Variants in PBXIP1 observed in about 807,000 individuals in gnomAD.
PBXIP1 encodes pre-B-cell leukemia transcription factor-interacting protein 1.
Under a neutral mutation model 73.7 loss-of-function variants are expected in PBXIP1, and 73 were observed. The observed-to-expected ratio is 0.99, with a 90% confidence interval of 0.82 to 1.20. PBXIP1 has a LOEUF of 1.20. PBXIP1 is among the 50% of genes most tolerant of loss of function. The pLI is 0.00. For synonymous variants in PBXIP1, 330 were observed against 366.9 expected (o/e 0.90, Z 1.15); for missense variants, 818 against 911.4 (o/e 0.90, Z 1.32).
At chr1:154,953,978 G>A (rs565376874) in intron 1 of PBXIP1, among the ~76,000 whole-genome samples, 4 of 152,118 alleles carry the variant, frequency 2.6e-5, no homozygotes, top group Non-Finnish European at 5.9e-5. Context: ...CCTCTTCCAG[G>A]GACCAACAGG....
At position 154,946,064 on chromosome 1, in the gene PBXIP1, C is replaced by A; in HGVS notation, c.1610G>T (p.Gly537Val). ...SGSKKEGKRQ[G>V]PKEPPRKSGS... ...ACTTTTCCTTGGGGGTTCCTTCGGG[C>A]CCTGTCGCTTGCCCTCCTTCTTGCT... The change falls in exon 10 of 11, where the codon GGC becomes GTC. Residue 537 changes from glycine to valine, a missense_variant. Physicochemically the swap from Gly to Val is moderately radical, Grantham distance 109 (BLOSUM62 -3). Coordinates refer to ENST00000368463, the MANE Select transcript of PBXIP1 (RefSeq NM_020524.4). 1 of 1,614,184 alleles carries A rather than the reference C, an allele frequency of 6.2e-7. No homozygotes were observed.
In PBXIP1 at chr1:154,955,136, G is replaced by A. The variant is rs557630548; in HGVS notation, c.-37+933C>T. Among the ~76,000 whole-genome samples the A allele has an allele frequency of 3.9e-5, 6 of 152,234 alleles. No homozygotes were observed. The South Asian group carries it at 1.0e-3, about 26-fold the overall frequency. On this transcript the variant is annotated intron_variant, in intron 1 of 10. Coordinates refer to ENST00000368463, the MANE Select transcript of PBXIP1 (RefSeq NM_020524.4). ...ACGGAGACAGGAGAATGGCTGCAAT[G>A]ACCTCCCTGTACCAAATCCAACAGG...
At position 154,947,696 on chromosome 1, in the gene PBXIP1, C is replaced by T; in HGVS notation, c.684G>A (p.Val228=). ...CGGGGTCTGGGAGGACCTGCCGCTCCACTTCCTCCATGGGCCCTGTGGGAA... is the reference window on the plus strand; with the variant it reads ...CGGGGTCTGGGAGGACCTGCCGCTCTACTTCCTCCATGGGCCCTGTGGGAA... ...SESETGPMEE[V]ERQVLPDPEV... is the part of the protein sequence containing the mutation. The change falls in exon 8 of 11, where the codon GTG becomes GTA. Residue 228 remains valine (V), a synonymous_variant. Transcript: ENST00000368463. 1 of 1,613,800 alleles carries T rather than the reference C, an allele frequency of 6.2e-7. No individual in the cohort carries two copies. Among genetic ancestry groups the T allele is most frequent in the South Asian group, 1.1e-5 (1 of 91,078 alleles).
chr1:154,952,537 T>C (rs1028690816), intron 2 of PBXIP1, among the ~76,000 whole-genome samples: 1 of 152,150 alleles, frequency 6.6e-6, no homozygotes, highest in African/African-American at 2.4e-5. Context: ...TCCCTCTGCC[T>C]ACTCCCCTTC....
Sources: allele counts gnomAD v4.1 joint callset (sites outside exome capture counted in the v4.1 genomes callset), GRCh38; gene constraint gnomAD v4.1.1; transcripts MANE v1.5; gene names NCBI Gene and HGNC (gene_info 2026-07-23, HGNC 2026-07-21).